Variants in GPHN observed in about 807,000 individuals in gnomAD.
The protein encoded by GPHN is gephyrin.
In GPHN, 17 loss-of-function variants were observed where a neutral mutation model predicts 95.5. The ratio of observed to expected loss-of-function variants is 0.18; its 90% CI spans 0.12 to 0.27. The LOEUF (loss-of-function observed/expected upper bound fraction) is 0.27, where lower values mean the gene tolerates loss of function less well. GPHN is among the 10% of genes least tolerant of loss of function. The pLI is 1.00. For missense variants in GPHN, 660 were observed against 978.1 expected (o/e 0.67, Z 4.34); for synonymous variants, 320 against 322.5 (o/e 0.99, Z 0.08).
the GPHN span, among the ~76,000 whole-genome samples, chr14:67,221,196 T>C: frequency 6.6e-6 from 1 of 152,356 alleles, no homozygotes; most frequent in African/African-American, 2.4e-5. Flanking sequence ...TAGCCTCTTC[T>C]TTTATCCAAC....
intron 3 of GPHN, among the ~76,000 whole-genome samples, chr14:66,794,365 A>G (rs1264947116): frequency 6.6e-6 from 1 of 152,122 alleles, no homozygotes; most frequent in East Asian, 1.9e-4. Context: ...AAGTTTCCTG[A>G]GGCCTCCCCA....
the GPHN span, chr14:67,650,980 G>A: frequency 6.7e-7 from 1 of 1,501,864 alleles, no homozygotes; most frequent in Admixed American, 1.7e-5. Flanking sequence ...GGCATTGAGG[G>A]GATAGATGAA....
At chr14:67,419,411 G>C in the GPHN span, among the ~76,000 whole-genome samples, 1 of 152,116 alleles carries the variant, frequency 6.6e-6, no homozygotes, top group East Asian at 1.9e-4. Flanking sequence ...CTACCTAAGA[G>C]CACCATTTAC....
intron 5 of GPHN, among the ~76,000 whole-genome samples, chr14:66,900,453 T>C (rs1378179392): frequency 1.4e-5 from 2 of 144,868 alleles, no homozygotes; most frequent in Non-Finnish European, 3.1e-5. Flanking sequence ...GATTTTTTTC[T>C]TTTTTTTTTA....
intron 4 of GPHN, among the ~76,000 whole-genome samples, chr14:66,861,340 A>G (rs985598015): frequency 1.3e-5 from 2 of 152,062 alleles, no homozygotes; most frequent in Non-Finnish European, 2.9e-5. Context: ...GCATACAGAT[A>G]TATAAAGAAA....
chr14:66,723,823 C>T (rs1000831313), intron 2 of GPHN, among the ~76,000 whole-genome samples: 9 of 152,072 alleles, frequency 5.9e-5, no homozygotes, highest in African/African-American at 2.2e-4. Context: ...TCCCAGATCA[C>T]ATGAACCTAA....
the GPHN span, among the ~76,000 whole-genome samples, chr14:67,227,257 T>G: frequency 2.6e-5 from 4 of 151,920 alleles, no homozygotes; most frequent in Non-Finnish European, 5.9e-5. Flanking sequence ...CTGGCCAATA[T>G]GGTGAAACCC....
At chr14:66,858,522 C>T (rs2062890806) in intron 4 of GPHN, among the ~76,000 whole-genome samples, 1 of 151,860 alleles carries the variant, frequency 6.6e-6, no homozygotes, top group African/African-American at 2.4e-5. Flanking sequence ...CAGTGATACC[C>T]ATATAGTATG....
chr14:67,250,553 T>C, the GPHN span, among the ~76,000 whole-genome samples: 30 of 152,202 alleles, frequency 2.0e-4, no homozygotes, highest in African/African-American at 7.2e-4. Flanking sequence ...ACAGATTGTT[T>C]TGTGATTCTG....
chr14:66,717,686 C>T (rs1487029351), intron 2 of GPHN, among the ~76,000 whole-genome samples: 1 of 152,152 alleles, frequency 6.6e-6, no homozygotes, highest in African/African-American at 2.4e-5. Context: ...GATTCTTTGG[C>T]CCACAGGGGT....
the GPHN span, chr14:67,279,358 A>G: frequency 6.2e-7 from 1 of 1,614,034 alleles, no homozygotes; most frequent in Non-Finnish European, 8.5e-7. Context: ...CGGCAACAAC[A>G]GGAGGACATG....
At chr14:67,233,132 T>TTTTATTTTATTTTATTTTATTTTA in the GPHN span, among the ~76,000 whole-genome samples, 52 of 151,132 alleles carry the variant, frequency 3.4e-4, no homozygotes, top group African/African-American at 1.2e-3. Context: ...TTTTATTTTA[T>TTTTATTTTATTTTATTTTATTTTA]TTTATTTTAT....
chr14:66,924,773 AG>A (rs1179933887), intron 8 of GPHN, among the ~76,000 whole-genome samples: 2 of 152,024 alleles, frequency 1.3e-5, no homozygotes. Context: ...ACCATTGCAG[AG>A]TTGAATTTTG....
At chr14:67,095,944 A>G (rs2077358638) in intron 12 of GPHN, among the ~76,000 whole-genome samples, 1 of 143,134 alleles carries the variant, frequency 7.0e-6, no homozygotes, top group South Asian at 2.2e-4. Context: ...ATAAAAAAAC[A>G]AAAAAAAAGA....
intron 19 of GPHN, among the ~76,000 whole-genome samples, chr14:67,162,922 C>T (rs983554487): frequency 1.3e-4 from 20 of 152,276 alleles, no homozygotes; most frequent in Non-Finnish European, 2.4e-4. Context: ...TCTCAGTTTC[C>T]ATATAAACTG....
intron 9 of GPHN, among the ~76,000 whole-genome samples, chr14:66,970,362 G>A (rs780417548): frequency 1.1e-4 from 17 of 152,148 alleles, no homozygotes; most frequent in Non-Finnish European, 2.5e-4. Flanking sequence ...GGTTTTTAAT[G>A]TATGAGTCTG....
At chr14:66,873,749 G>C (rs1376038873) in intron 4 of GPHN, among the ~76,000 whole-genome samples, 1 of 152,182 alleles carries the variant, frequency 6.6e-6, no homozygotes, top group Non-Finnish European at 1.5e-5. Flanking sequence ...CTGAAAGACA[G>C]GAGCCCCAGG....
chr14:67,308,522 C>G, the GPHN span, among the ~76,000 whole-genome samples: 1 of 150,410 alleles, frequency 6.6e-6, no homozygotes, highest in Non-Finnish European at 1.5e-5. Context: ...TAGATCAGCA[C>G]TCTCCAAATA....
chr14:67,325,152 G>A, the GPHN span, among the ~76,000 whole-genome samples: 9 of 151,930 alleles, frequency 5.9e-5, no homozygotes, highest in East Asian at 9.7e-4. Context: ...TGATCCACCC[G>A]CCTTGGCCTC....
Sources: allele counts gnomAD v4.1 joint callset (sites outside exome capture counted in the v4.1 genomes callset), GRCh38; gene constraint gnomAD v4.1.1; transcripts MANE v1.5; gene names NCBI Gene and HGNC (gene_info 2026-07-23, HGNC 2026-07-21).